The following ERBIN variants were observed in gnomAD, a reference collection of about 807,000 sequenced individuals.
ERBIN encodes densin-180-like protein.
In ERBIN, 60 loss-of-function variants were observed where a neutral mutation model predicts 158.4. The ratio of observed to expected loss-of-function variants is 0.38; its 90% CI spans 0.31 to 0.47. ERBIN has a LOEUF of 0.47. Ranked by LOEUF, ERBIN falls within the 20% of genes least tolerant of loss-of-function variation. ERBIN has a pLI of 0.99. For missense variants in ERBIN, 1,610 were observed against 1,648.0 expected, an observed-to-expected ratio of 0.98 and a Z score of 0.40; for synonymous variants, 594 against 557.2, an observed-to-expected ratio of 1.07 and a Z score of -0.93.
At position 66,046,402 on chromosome 5, in the gene ERBIN, A is replaced by C; in HGVS notation, c.1652A>C (p.Lys551Thr). 6.2e-7 allele frequency: 1 copy of C among 1,603,016 alleles called. No individual in the cohort carries two copies. ...AAAAGCAAAGTTGATGAAAGAGAAA[A>C]ATATATGATAGGAAACTCTGTACAG... ...TVKSKVDERE[K>T]YMIGNSVQKI... Residue 551 changes from lysine to threonine, a missense_variant, in exon 18 of 26, where the codon AAA becomes ACA. This residue lies in a region of ERBIN where 596 missense variants were observed against 711.9 expected (regional missense o/e 0.84). Transcript: ENST00000284037.
At position 66,043,110 on chromosome 5, in the gene ERBIN, C is replaced by T; in HGVS notation, c.1340C>T (p.Pro447Leu). Residue 447 changes from proline (P) to leucine (L), a missense_variant, in exon 16 of 26, where the codon CCT (proline) becomes CTT (leucine). By Grantham distance (98) the Pro-to-Leu change is moderately conservative (BLOSUM62 -3). Around this residue, in one of 2 missense-constraint regions of ERBIN, gnomAD observed 596 missense variants for 711.9 expected, o/e 0.84. Transcript: ENST00000284037. ...ATATCAGATAATGAAAGTTTTAACC[C>T]TTCATTGTGGGAGGAACAGAGGAAA... ...MFISDNESFN[P>L]SLWEEQRKQR... 6.2e-7 allele frequency: 1 copy of T among 1,607,768 alleles called. No individual in the cohort carries two copies. Among genetic ancestry groups the T allele is most frequent in the East Asian group, 2.2e-5 (1 of 44,750 alleles).
rs1755291384 is a variant in ERBIN at position 66,018,584 on chromosome 5, TATTATATAA to T, written c.534-2737_534-2729del. Among the ~76,000 whole-genome samples the T allele has an allele frequency of 2.9e-5, 2 of 68,412 alleles. 1 individual carries two copies. Among genetic ancestry groups the T allele is most frequent in the Non-Finnish European group, 5.5e-5 (2 of 36,538 alleles). The allele number at this position is 68,412 out of a possible 152,430, so 44.9% of individuals were successfully genotyped here. A position where few individuals can be genotyped will look rare whatever the true frequency, so the allele number is the denominator to read the frequency against. Reference sequence around the variant, plus strand: ...AATATATATTATATTATATAATATATATTATATAATATATATTATATATACATACACACA... The same window carrying T: ...AATATATATTATATTATATAATATATTATATATTATATATACATACACACA... On this transcript the variant is annotated intron_variant, in intron 7 of 25. Coordinates refer to ENST00000284037, the MANE Select transcript of ERBIN (RefSeq NM_001253697.2).
At chr5:65,936,257 C>T (rs1265202637) in intron 1 of ERBIN, among the ~76,000 whole-genome samples, 1 of 152,060 alleles carries the variant, frequency 6.6e-6, no homozygotes, top group Non-Finnish European at 1.5e-5. Flanking sequence ...ATCACACAAC[C>T]TAGAATAAGT....
rs1321558847 is a variant in ERBIN, at chr5:66,080,390, A to G, written c.*1860A>G. 2 of 152,428 alleles carry G rather than the reference A, an allele frequency of 1.3e-5. No homozygotes were observed. The highest frequency in any genetic ancestry group is 1.9e-4 in the East Asian group (1 of 5,178). The allele number at this position is 152,428 out of a possible 1,614,324, so 9.4% of individuals were successfully genotyped here. ...CTCATTTTAGTTGATTTTCAGTACT[A>G]TTTACATAGGAATTGATTTTTATGG... is the stretch of plus-strand genomic sequence containing the variant. On this transcript the variant is annotated 3_prime_UTR_variant, in exon 26 of 26. Coordinates refer to ENST00000284037, the MANE Select transcript of ERBIN (RefSeq NM_001253697.2).
At chr5:65,997,927 T>TACACACACACACACACAC (rs60768327) in intron 4 of ERBIN, among the ~76,000 whole-genome samples, 2 of 150,210 alleles carry the variant, frequency 1.3e-5, no homozygotes, top group African/African-American at 4.9e-5. Context: ...GGTGTCTGTC[T>TACACACACACACACACAC]ACACACACAC....
Position 66,023,339 on chromosome 5 carries a change from C to T in ERBIN, c.647C>T (p.Ala216Val). 2.5e-6 allele frequency: 4 copies of T among 1,612,268 alleles called. No individual in the cohort carries two copies. The highest frequency in any genetic ancestry group is 3.4e-6 in the Non-Finnish European group (4 of 1,178,882). ...LSGLKEFWMDANRLTFIPGFI... is the reference protein window; with the variant it reads ...LSGLKEFWMDVNRLTFIPGFI... ...GGATTGAAAGAGTTTTGGATGGATG[C>T]TAATAGACTGACTTTTATTCCAGGG... The change falls in exon 9 of 26, where the codon GCT becomes GTT. Residue 216 changes from alanine to valine, a missense_variant. Coordinates refer to ENST00000284037, the MANE Select transcript of ERBIN (RefSeq NM_001253697.2).
intron 1 of ERBIN, among the ~76,000 whole-genome samples, chr5:65,945,964 A>G (rs959420193): frequency 8.5e-5 from 13 of 152,226 alleles, no homozygotes; most frequent in African/African-American, 2.9e-4. Flanking sequence ...CATCATCCCA[A>G]GGATCACCTG....
At chr5:65,959,252 ATGAGG>A (rs769782311) in intron 1 of ERBIN, among the ~76,000 whole-genome samples, 11 of 152,106 alleles carry the variant, frequency 7.2e-5, no homozygotes, top group Non-Finnish European at 1.6e-4. Flanking sequence ...AATTCATCTA[ATGAGG>A]TGAGCATCTT....
intron 14 of ERBIN, among the ~76,000 whole-genome samples, chr5:66,033,252 G>C (rs1217563648): frequency 1.3e-5 from 2 of 152,126 alleles, no homozygotes; most frequent in Non-Finnish European, 2.9e-5. Context: ...ATACACATTT[G>C]TTTCAGCCCA....
intron 15 of ERBIN, among the ~76,000 whole-genome samples, chr5:66,039,405 A>AT (rs558131526): frequency 6.6e-5 from 10 of 152,054 alleles, no homozygotes; most frequent in Non-Finnish European, 1.3e-4. Flanking sequence ...AGTATATTGC[A>AT]TAGCTGATTA....
At chr5:65,965,276 A>ACACTGGT (rs1294646761) in intron 1 of ERBIN, among the ~76,000 whole-genome samples, 1 of 151,388 alleles carries the variant, frequency 6.6e-6, no homozygotes, top group Non-Finnish European at 1.5e-5. Flanking sequence ...TGTGGTGGTC[A>ACACTGGT]CACTGGTGTT....
chr5:65,974,267 G>GT (rs750691093), intron 1 of ERBIN, among the ~76,000 whole-genome samples: 82 of 152,318 alleles, frequency 5.4e-4, no homozygotes, highest in Non-Finnish European at 9.0e-4. Context: ...ACCTGCTGCG[G>GT]TGTCCTTACA....
intron 1 of ERBIN, among the ~76,000 whole-genome samples, chr5:65,928,961 T>C (rs1743020142): frequency 6.6e-6 from 1 of 152,176 alleles, no homozygotes; most frequent in African/African-American, 2.4e-5. Flanking sequence ...TAGAGAGTAC[T>C]TCCAAAGTCT....
intron 1 of ERBIN, among the ~76,000 whole-genome samples, chr5:65,951,943 G>T (rs898580284): frequency 5.3e-5 from 8 of 152,124 alleles, no homozygotes; most frequent in African/African-American, 1.7e-4. Flanking sequence ...TCTTGGAACT[G>T]TCGCAAGTTT....
intron 1 of ERBIN, among the ~76,000 whole-genome samples, chr5:65,956,041 G>C (rs1366047690): frequency 6.6e-6 from 1 of 152,144 alleles, no homozygotes; most frequent in Non-Finnish European, 1.5e-5. Flanking sequence ...CACTATCTGT[G>C]GTTTCAGGTA....
intron 13 of ERBIN, among the ~76,000 whole-genome samples, chr5:66,027,913 T>G (rs1756447848): frequency 1.3e-5 from 2 of 152,066 alleles, no homozygotes; most frequent in African/African-American, 4.8e-5. Flanking sequence ...TAACAGTTTG[T>G]TCTCCCTAAG....
intron 4 of ERBIN, among the ~76,000 whole-genome samples, chr5:65,997,214 A>T (rs1462703874): frequency 6.6e-6 from 1 of 152,162 alleles, no homozygotes; most frequent in Non-Finnish European, 1.5e-5. Context: ...TCAACTTTTC[A>T]TTGTTAAGTA....
At chr5:65,961,657 T>G (rs1029824706) in intron 1 of ERBIN, among the ~76,000 whole-genome samples, 9 of 152,308 alleles carry the variant, frequency 5.9e-5, no homozygotes, top group Non-Finnish European at 1.0e-4. Context: ...TAGACTTATT[T>G]CCATTAGGAA....
In ERBIN at chr5:66,012,181, C is replaced by G. The variant is rs1222875248; in HGVS notation, c.386+54C>G. 4.3e-6 allele frequency: 5 copies of G among 1,166,222 alleles called. No homozygotes were observed. The African/African-American group carries it at 7.8e-5, about 18-fold the overall frequency. 72.2% of individuals were successfully genotyped at this position (1,166,222 alleles called of 1,614,324 possible). On this transcript the variant is annotated intron_variant, in intron 5 of 25. Transcript: ENST00000284037. ...TTTTGTGAATAAAACAATTATGAAA[C>G]TAGTAGATATTATTGTACATATTTT...
Sources: allele counts gnomAD v4.1 joint callset (sites outside exome capture counted in the v4.1 genomes callset), GRCh38; gene constraint gnomAD v4.1.1; regional missense constraint gnomAD v4.1.1; transcripts MANE v1.5; gene names NCBI Gene and HGNC (gene_info 2026-07-23, HGNC 2026-07-21).